The following PCDHA8 variants were observed in gnomAD, a reference collection of about 807,000 sequenced individuals.
PCDHA8 encodes protocadherin alpha-8.
A neutral mutation model predicts 61.8 loss-of-function variants in PCDHA8; 53 were observed. The ratio of observed to expected loss-of-function variants is 0.86; its 90% confidence interval spans 0.69 to 1.08. The LOEUF (loss-of-function observed/expected upper bound fraction) is 1.08. Ranked by LOEUF, PCDHA8 falls within the 50% of genes least tolerant of loss-of-function variation. The pLI is 0.00. For missense variants in PCDHA8, 1,293 were observed against 1,245.0 expected (o/e 1.04, Z -0.58); for synonymous variants, 618 against 556.6 (o/e 1.11, Z -1.55).
chr5:140,975,612 C>T (rs1554236918), intron 1 of PCDHA8, among the ~76,000 whole-genome samples: 1 of 152,194 alleles, frequency 6.6e-6, no homozygotes, highest in Non-Finnish European at 1.5e-5. Flanking sequence ...ATGTCTTCCA[C>T]ATGGATTTCC....
chr5:141,007,079 TAGAGA>T (rs1308407580), intron 3 of PCDHA8, among the ~76,000 whole-genome samples: 1 of 151,804 alleles, frequency 6.6e-6, no homozygotes, highest in African/African-American at 2.4e-5. Flanking sequence ...GAAGAGAAAA[TAGAGA>T]AGAGAGTCTA....
At chr5:140,942,467 A>C (rs1428565418) in intron 1 of PCDHA8, among the ~76,000 whole-genome samples, 1 of 152,142 alleles carries the variant, frequency 6.6e-6, no homozygotes, top group Non-Finnish European at 1.5e-5. Context: ...AATACAATCA[A>C]ATTCAAGCTA....
At chr5:140,872,850 G>T (rs1439631581) in intron 1 of PCDHA8, among the ~76,000 whole-genome samples, 2 of 152,084 alleles carry the variant, frequency 1.3e-5, no homozygotes, top group African/African-American at 4.8e-5. Context: ...ATATATTAAT[G>T]TGAGTACCTA....
At chr5:140,925,689 G>C (rs1341368297) in intron 1 of PCDHA8, among the ~76,000 whole-genome samples, 1 of 147,806 alleles carries the variant, frequency 6.8e-6, no homozygotes, top group Non-Finnish European at 1.5e-5. Flanking sequence ...AGCGAGGGTG[G>C]GTATCTAGCC....
At chr5:140,857,365 C>A (rs251362) in intron 1 of PCDHA8, 1 of 1,597,496 alleles carries the variant, frequency 6.3e-7, no homozygotes, top group South Asian at 1.1e-5. Context: ...CCACGGCCAG[C>A]GTGTCTGTGG....
intron 1 of PCDHA8, among the ~76,000 whole-genome samples, chr5:140,901,267 T>G (rs2153472974): frequency 6.6e-6 from 1 of 152,344 alleles, no homozygotes; most frequent in East Asian, 1.9e-4. Context: ...TTGTGGGGTA[T>G]TACTCAAGAA....
chr5:140,842,452 C>G lies in PCDHA8; in HGVS notation c.1131C>G (p.Leu377=), dbSNP rs1777963024. The G allele has an allele frequency of 8.1e-6, 13 of 1,613,732 alleles. 1 individual carries two copies. The highest frequency in any genetic ancestry group is 2.7e-5 in the African/African-American group (2 of 74,852). The change falls in exon 1 of 4, where the codon CTC becomes CTG. Residue 377 remains leucine (L), a synonymous_variant. Transcript: ENST00000531613. ...TVIALISVND[L]DSGANGQVTC... is the part of the protein sequence containing the mutation. The stretch of plus-strand genomic sequence containing the variant: ...TCGCCCTAATTAGCGTGAACGACCT[C>G]GATTCAGGTGCCAACGGGCAGGTGA...
chr5:140,869,580 T>C (rs1325973038), intron 1 of PCDHA8: 4 of 1,614,046 alleles, frequency 2.5e-6, no homozygotes, highest in Non-Finnish European at 3.4e-6. Flanking sequence ...GAGCTTCTGA[T>C]GCTGACATTG....
chr5:140,966,726 C>T, intron 1 of PCDHA8: 3 of 1,402,206 alleles, frequency 2.1e-6, no homozygotes, highest in Non-Finnish European at 1.8e-6. Flanking sequence ...GAAGCTGCCG[C>T]CTCCGGCCCT....
intron 1 of PCDHA8, among the ~76,000 whole-genome samples, chr5:140,958,627 T>C (rs1183042351): frequency 6.6e-6 from 1 of 152,128 alleles, no homozygotes; most frequent in African/African-American, 2.4e-5. Flanking sequence ...AGCTTGAGAG[T>C]ACTGCAGAAA....
intron 3 of PCDHA8, among the ~76,000 whole-genome samples, chr5:141,000,216 T>C (rs665221): frequency 1.3e-5 from 2 of 151,640 alleles, no homozygotes; most frequent in East Asian, 1.9e-4. Flanking sequence ...CATTATCAAA[T>C]GCCTGTGTGG....
At chr5:140,997,986 A>C (rs1554256110) in intron 3 of PCDHA8, among the ~76,000 whole-genome samples, 2 of 152,186 alleles carry the variant, frequency 1.3e-5, no homozygotes, top group African/African-American at 4.8e-5. Flanking sequence ...CACTTGTTAC[A>C]TACTTCCCTC....
In PCDHA8 at chr5:140,993,233, G is replaced by A. The variant is rs143093605; in HGVS notation, c.2542+10670G>A. ...TTTAGCTTTTTGGTATGTTCTCTCT[G>A]AATCTGGGGATTTAGATATATAAAT... On this transcript the variant is annotated intron_variant, in intron 3 of 3. Coordinates refer to ENST00000531613, the MANE Select transcript of PCDHA8 (RefSeq NM_018911.3). Among the ~76,000 whole-genome samples the A allele has an allele frequency of 2.0e-5, 3 of 152,224 alleles. No individual in the cohort carries two copies. The East Asian group carries it at 5.8e-4, about 29-fold the overall frequency.
At chr5:141,001,822 TGACAGAGAGGGA>T (rs541215764) in intron 3 of PCDHA8, among the ~76,000 whole-genome samples, 203 of 152,310 alleles carry the variant, frequency 1.3e-3, no homozygotes, top group African/African-American at 4.5e-3. Context: ...GGCCAAATTC[TGACAGAGAGGGA>T]GACAGAGAGA....
At chr5:140,870,863 G>A in intron 1 of PCDHA8, 1 of 1,613,928 alleles carries the variant, frequency 6.2e-7, no homozygotes, top group Non-Finnish European at 8.5e-7. Flanking sequence ...GTGGGTGCGG[G>A]CCACGTGGTG....
chr5:140,981,721 A>G (rs2096948672), intron 2 of PCDHA8, among the ~76,000 whole-genome samples: 1 of 151,112 alleles, frequency 6.6e-6, no homozygotes, highest in Non-Finnish European at 1.5e-5. Context: ...TTCATCCAAC[A>G]AATATTTGAG....
chr5:140,891,667 A>T (rs2153435107), intron 1 of PCDHA8, among the ~76,000 whole-genome samples: 1 of 152,286 alleles, frequency 6.6e-6, no homozygotes, highest in African/African-American at 2.4e-5. Flanking sequence ...CCCACCTTAA[A>T]GTTTAATAAT....
At chr5:140,929,410 C>G (rs2086136493) in intron 1 of PCDHA8, 1 of 1,505,808 alleles carries the variant, frequency 6.6e-7, no homozygotes, top group Non-Finnish European at 8.9e-7. Context: ...ACAAGCCTTT[C>G]ACAACATTTC....
chr5:140,855,025 A>G (rs2043311699), intron 1 of PCDHA8, among the ~76,000 whole-genome samples: 1 of 149,914 alleles, frequency 6.7e-6, no homozygotes. Context: ...AACTTCTTGT[A>G]TAAAGGATTT....
Sources: gnomAD v4.1 joint callset for allele counts (sites outside exome capture counted in the v4.1 genomes callset) on GRCh38, gnomAD v4.1.1 for gene constraint, MANE v1.5 for transcripts, NCBI Gene and HGNC (gene_info 2026-07-23, HGNC 2026-07-21) for gene names.